Variants in PCDH17 observed in about 807,000 individuals in gnomAD.
PCDH17 encodes protocadherin 17, also known as protocadherin-17.
Under a neutral mutation model 67.7 loss-of-function variants are expected in PCDH17, and 21 were observed. That is an observed-to-expected ratio of 0.31 (90% confidence interval 0.22 to 0.45). The LOEUF is 0.45. PCDH17 is among the 20% of genes least tolerant of loss of function. The pLI, the probability that PCDH17 is intolerant of heterozygous loss-of-function variation, is 1.00. For synonymous variants in PCDH17, 701 were observed against 656.7 expected, an observed-to-expected ratio of 1.07 and a Z score of -1.03; for missense variants, 1,471 against 1,564.8, an observed-to-expected ratio of 0.94 and a Z score of 1.01.
At chr13:57,701,446 T>G (rs1186794264) in intron 3 of PCDH17, among the ~76,000 whole-genome samples, 1 of 152,176 alleles carries the variant, frequency 6.6e-6, no homozygotes, top group Non-Finnish European at 1.5e-5. Context: ...ACTAAAGGAT[T>G]TCTAAAGGCA....
chr13:57,715,257 T>C (rs1955807896), intron 3 of PCDH17, among the ~76,000 whole-genome samples: 1 of 151,808 alleles, frequency 6.6e-6, no homozygotes, highest in Non-Finnish European at 1.5e-5. Flanking sequence ...GACATTATGA[T>C]CTCACAAATG....
chr13:57,658,984 T>TTG lies in PCDH17; in HGVS notation c.2566-7484_2566-7483insTG, dbSNP rs759232037. ...GTCTCCGCACCAATCATTCTGGAAA[T>TTG]GTCAGAGTTCTATGGTGTGTCAGAA... On this transcript the variant is annotated intron_variant, in intron 1 of 3. Transcript: ENST00000377918. Among the ~76,000 whole-genome samples the TTG allele has an allele frequency of 2.3e-3, 349 of 152,252 alleles. 2 individuals are homozygous for TTG. The highest frequency in any genetic ancestry group is 2.5e-3 in the Non-Finnish European group (167 of 68,010).
At position 57,632,624 on chromosome 13, in the gene PCDH17, G is replaced by C. The variant is rs1161181003; in HGVS notation, c.78G>C (p.Pro26=). ...TCAAGAACCTCAACTACTCCGTGCC[G>C]GAGGAGCAAGGGGCCGGCACGGTGA... ...LTLKNLNYSV[P]EEQGAGTVIG... Residue 26 remains proline, a synonymous_variant, in exon 1 of 4, where the codon CCG becomes CCC. Coordinates refer to ENST00000377918, the MANE Select transcript of PCDH17 (RefSeq NM_001040429.3). 1 of 1,613,618 alleles carries C rather than the reference G, an allele frequency of 6.2e-7. No individual in the cohort carries two copies. The highest frequency in any genetic ancestry group is 8.5e-7 in the Non-Finnish European group (1 of 1,179,968).
intron 3 of PCDH17, among the ~76,000 whole-genome samples, chr13:57,669,253 A>G (rs1326628682): frequency 1.3e-5 from 2 of 152,078 alleles, no homozygotes; most frequent in Non-Finnish European, 2.9e-5. Context: ...AGTGCTTTGA[A>G]TATGTAAGGA....
rs1255920260 is a variant in PCDH17 at position 57,707,335 on chromosome 13, G to A, written c.2798-17277G>A. Reference sequence around the variant, plus strand: ...GTAGCTTTGTTTGTGATATATGACCGTGTGTGTGTGTGTGTGTGTGTGTGT... The same window carrying A: ...GTAGCTTTGTTTGTGATATATGACCATGTGTGTGTGTGTGTGTGTGTGTGT... On this transcript the variant is annotated intron_variant, in intron 3 of 3. Transcript: ENST00000377918. Among the ~76,000 whole-genome samples the A allele has an allele frequency of 1.4e-3, 6 of 4,440 alleles. No homozygotes were observed. In the Admixed American group the frequency reaches 0.02, roughly 15 times the overall value. The allele number at this position is 4,440 out of a possible 152,430, so 2.9% of individuals were successfully genotyped here. A position where few individuals can be genotyped will look rare whatever the true frequency, so the allele number is the denominator to read the frequency against.
chr13:57,688,549 G>A (rs1444609784), intron 3 of PCDH17, among the ~76,000 whole-genome samples: 3 of 152,004 alleles, frequency 2.0e-5, no homozygotes, highest in Non-Finnish European at 4.4e-5. Flanking sequence ...GTATGTGTGT[G>A]CACATGTTTG....
chr13:57,630,307 C>T (rs192644266), upstream of PCDH17, among the ~76,000 whole-genome samples: 2 of 150,332 alleles, frequency 1.3e-5, no homozygotes, highest in Non-Finnish European at 1.5e-5. Flanking sequence ...GTGATCCCGG[C>T]AGACACCAGA....
Position 57,632,529 on chromosome 13 carries a change from C to A in PCDH17, c.-18C>A. ...TCCTCCAGTCCGATTGCTCCTGCCC[C>A]CACCTTACAGGTCTGGGATGTACCT... On this transcript the variant is annotated 5_prime_UTR_variant, in exon 1 of 4. Transcript: ENST00000377918. The A allele has an allele frequency of 6.2e-7, 1 of 1,608,140 alleles. No individual in the cohort carries two copies.
Position 57,726,776 on chromosome 13 carries a change from T to C in PCDH17, c.*1482T>C, listed in dbSNP as rs943470285. The stretch of plus-strand genomic sequence containing the variant: ...AACATACAGCTTCTGCCTGTGTAGA[T>C]ATTATGCCATCAGTTGGTTCTCAAA... On this transcript the variant is annotated 3_prime_UTR_variant, in exon 4 of 4. Transcript: ENST00000377918. The C allele has an allele frequency of 1.3e-5, 2 of 152,248 alleles. No individual in the cohort carries two copies. Among genetic ancestry groups the C allele is most frequent in the Non-Finnish European group, 2.9e-5 (2 of 68,024 alleles). 9.4% of individuals were successfully genotyped at this position (152,248 alleles called of 1,614,324 possible).
chr13:57,647,491 C>T (rs1275257635), intron 1 of PCDH17, among the ~76,000 whole-genome samples: 1 of 151,630 alleles, frequency 6.6e-6, no homozygotes, highest in Non-Finnish European at 1.5e-5. Context: ...GTTGATAAGG[C>T]ATGGTGATAT....
intron 3 of PCDH17, among the ~76,000 whole-genome samples, chr13:57,714,407 T>A (rs559356983): frequency 2.6e-5 from 4 of 151,812 alleles, no homozygotes; most frequent in Non-Finnish European, 5.9e-5. Flanking sequence ...TGACCTTCCT[T>A]ACAGGATTAC....
At chr13:57,705,923 G>T (rs1251377537) in intron 3 of PCDH17, among the ~76,000 whole-genome samples, 3 of 151,736 alleles carry the variant, frequency 2.0e-5, no homozygotes, top group Admixed American at 2.0e-4. Context: ...GCTGAGGCAG[G>T]AGAATCACTT....
intron 1 of PCDH17, among the ~76,000 whole-genome samples, chr13:57,659,577 CTTATA>C (rs1311567539): frequency 5.3e-5 from 8 of 152,010 alleles, no homozygotes; most frequent in Non-Finnish European, 7.4e-5. Context: ...TTTGAATACT[CTTATA>C]TTATCTTAAT....
At chr13:57,687,570 T>C (rs1011141550) in intron 3 of PCDH17, among the ~76,000 whole-genome samples, 1 of 151,682 alleles carries the variant, frequency 6.6e-6, no homozygotes, top group African/African-American at 2.4e-5. Flanking sequence ...TAAAATTGTA[T>C]TATCAAAGGA....
intron 3 of PCDH17, among the ~76,000 whole-genome samples, chr13:57,679,105 T>C (rs1955423003): frequency 6.6e-6 from 1 of 151,506 alleles, no homozygotes; most frequent in Non-Finnish European, 1.5e-5. Flanking sequence ...GTCAGTTTTA[T>C]TCACCAAAAA....
At position 57,633,906 on chromosome 13, in the gene PCDH17, T is replaced by C; in HGVS notation, c.1360T>C (p.Ser454Pro). 6.2e-7 allele frequency: 1 copy of C among 1,613,070 alleles called. No homozygotes were observed. The highest frequency in any genetic ancestry group is 8.5e-7 in the Non-Finnish European group (1 of 1,179,982). ...ARDGGSPPLNSTKSFAIKILD... is the reference protein window; with the variant it reads ...ARDGGSPPLNPTKSFAIKILD... Reference sequence around the variant, plus strand: ...GGACGGGGGCTCTCCTCCCCTCAACTCCACCAAGTCGTTCGCGATCAAGAT... The same window carrying C: ...GGACGGGGGCTCTCCTCCCCTCAACCCCACCAAGTCGTTCGCGATCAAGAT... The change falls in exon 1 of 4, where the codon TCC becomes CCC. Residue 454 changes from serine (S) to proline (P), a missense_variant. Physicochemically the swap from Ser to Pro is moderately conservative, Grantham distance 74. This residue lies in a region of PCDH17 where 1,163 missense variants were observed against 1,230.0 expected (regional missense o/e 0.95). Coordinates refer to ENST00000377918, the MANE Select transcript of PCDH17 (RefSeq NM_001040429.3). The surrounding 1 kb of genome is among the most constrained non-coding windows in gnomAD (Gnocchi z 6.2).
At chr13:57,654,053 A>G (rs1955074452) in intron 1 of PCDH17, among the ~76,000 whole-genome samples, 1 of 152,170 alleles carries the variant, frequency 6.6e-6, no homozygotes, top group Non-Finnish European at 1.5e-5. Context: ...CTATGACCTA[A>G]TTAAGCATAG....
At chr13:57,668,907 A>T (rs1240682351) in intron 3 of PCDH17, among the ~76,000 whole-genome samples, 2 of 152,098 alleles carry the variant, frequency 1.3e-5, no homozygotes, top group East Asian at 3.9e-4. Context: ...TTTGTTACAT[A>T]TGTATGCAAG....
chr13:57,717,390 A>T (rs1022467593), intron 3 of PCDH17, among the ~76,000 whole-genome samples: 2 of 151,976 alleles, frequency 1.3e-5, no homozygotes, highest in African/African-American at 2.4e-5. Context: ...AATTTGTCTT[A>T]AGTTCTGTTC....
Sources: allele counts gnomAD v4.1 joint callset (sites outside exome capture counted in the v4.1 genomes callset), GRCh38; gene constraint gnomAD v4.1.1; regional missense constraint gnomAD v4.1.1; non-coding constraint Gnocchi (gnomAD v3.1); transcripts MANE v1.5; gene names NCBI Gene and HGNC (gene_info 2026-07-23, HGNC 2026-07-21).